Variants in PRR16 observed in about 807,000 individuals in gnomAD.
PRR16 encodes the protein proline rich 16, also known as protein Largen.
A neutral mutation model predicts 18.2 loss-of-function variants in PRR16; 6 were observed. The observed-to-expected ratio is 0.33, with a 90% CI of 0.18 to 0.65. PRR16 has a LOEUF of 0.65. PRR16 is among the 30% of genes least tolerant of loss of function. The pLI is 0.74. For synonymous variants in PRR16, 151 were observed against 147.8 expected (o/e 1.02, Z -0.16); for missense variants, 412 against 376.6 (o/e 1.09, Z -0.78).
chr5:120,555,098 C>T (rs1752367169), intron 1 of PRR16, among the ~76,000 whole-genome samples: 1 of 151,916 alleles, frequency 6.6e-6, no homozygotes, highest in South Asian at 2.1e-4. Flanking sequence ...TTTTAAATAT[C>T]TAGTGTTTAT....
intron 1 of PRR16, among the ~76,000 whole-genome samples, chr5:120,514,554 T>C (rs1194468198): frequency 6.6e-6 from 1 of 152,244 alleles, no homozygotes; most frequent in Admixed American, 6.5e-5. Flanking sequence ...TTGAATACTT[T>C]GCTGCTTAGA....
chr5:120,672,992 C>T (rs1324658218), intron 1 of PRR16, among the ~76,000 whole-genome samples: 1 of 152,092 alleles, frequency 6.6e-6, no homozygotes, highest in East Asian at 1.9e-4. Flanking sequence ...TTACAGGAAG[C>T]CTCAGTAGAG....
intron 1 of PRR16, among the ~76,000 whole-genome samples, chr5:120,567,686 TC>T (rs1372214993): frequency 6.6e-6 from 1 of 152,016 alleles, no homozygotes; most frequent in South Asian, 2.1e-4. Flanking sequence ...GTGTAGTACT[TC>T]CCCCTTCACT....
chr5:120,572,341 A>G (rs930457807), intron 1 of PRR16, among the ~76,000 whole-genome samples: 7 of 152,206 alleles, frequency 4.6e-5, no homozygotes, highest in Non-Finnish European at 7.3e-5. Flanking sequence ...TTAAGTGAAC[A>G]TCTTCTAAGT....
chr5:120,783,269 GT>G, the PRR16 span, among the ~76,000 whole-genome samples: 1 of 152,086 alleles, frequency 6.6e-6, no homozygotes, highest in Non-Finnish European at 1.5e-5. Context: ...GAAATGAAAC[GT>G]TTTTTCTAAA....
the PRR16 span, among the ~76,000 whole-genome samples, chr5:120,703,440 G>A: frequency 6.6e-6 from 1 of 152,292 alleles, no homozygotes; most frequent in African/African-American, 2.4e-5. Flanking sequence ...GAAGCCTAGT[G>A]AACTGAAGCC....
intron 1 of PRR16, among the ~76,000 whole-genome samples, chr5:120,665,170 CT>C (rs1036859172): frequency 7.8e-6 from 1 of 128,842 alleles, no homozygotes; most frequent in Non-Finnish European, 1.8e-5. Context: ...GAGATGGTAT[CT>C]CATTGTGGTT....
the PRR16 span, among the ~76,000 whole-genome samples, chr5:120,716,923 G>A: frequency 9.9e-5 from 15 of 152,204 alleles, no homozygotes; most frequent in South Asian, 3.1e-3. Flanking sequence ...TTGAATGAAT[G>A]AGTAGAATGC....
the PRR16 span, among the ~76,000 whole-genome samples, chr5:120,768,166 TC>T: frequency 2.6e-5 from 4 of 151,898 alleles, no homozygotes; most frequent in Non-Finnish European, 5.9e-5. Context: ...ATATGTAGTT[TC>T]CACTCAACCT....
chr5:120,741,725 C>T, the PRR16 span, among the ~76,000 whole-genome samples: 23 of 151,908 alleles, frequency 1.5e-4, no homozygotes, highest in African/African-American at 4.4e-4. Flanking sequence ...TCTCAGCCTC[C>T]GAGTAGCTGG....
At chr5:120,735,953 G>A in the PRR16 span, among the ~76,000 whole-genome samples, 1 of 152,064 alleles carries the variant, frequency 6.6e-6, no homozygotes, top group Non-Finnish European at 1.5e-5. Flanking sequence ...CCAGTTTTAG[G>A]CCTTATATAT....
chr5:120,661,429 A>C (rs1756169192), intron 1 of PRR16, among the ~76,000 whole-genome samples: 1 of 152,058 alleles, frequency 6.6e-6, no homozygotes, highest in African/African-American at 2.4e-5. Flanking sequence ...AACAGATTTT[A>C]TTGGAACACG....
At chr5:120,661,298 T>C (rs1312705769) in intron 1 of PRR16, among the ~76,000 whole-genome samples, 1 of 152,104 alleles carries the variant, frequency 6.6e-6, no homozygotes, top group Non-Finnish European at 1.5e-5. Flanking sequence ...CTCCTGTCTT[T>C]TGATGTTGCT....
At chr5:120,766,911 C>A in the PRR16 span, among the ~76,000 whole-genome samples, 2 of 151,816 alleles carry the variant, frequency 1.3e-5, no homozygotes, top group Non-Finnish European at 2.9e-5. Flanking sequence ...TTCAAAGTAC[C>A]TGTTTTATCT....
chr5:120,577,359 G>A (rs1179884259), intron 1 of PRR16, among the ~76,000 whole-genome samples: 3 of 151,896 alleles, frequency 2.0e-5, no homozygotes, highest in Non-Finnish European at 4.4e-5. Flanking sequence ...GAGAGAGACT[G>A]TTTTATTGAG....
chr5:120,619,952 G>C (rs569880553), intron 1 of PRR16, among the ~76,000 whole-genome samples: 45 of 152,202 alleles, frequency 3.0e-4, no homozygotes, highest in Middle Eastern at 3.4e-3. Flanking sequence ...GCCTGAGTTG[G>C]AGGTAGGTCA....
chr5:120,534,084 G>A (rs1751637979), intron 1 of PRR16, among the ~76,000 whole-genome samples: 1 of 152,086 alleles, frequency 6.6e-6, no homozygotes, highest in Non-Finnish European at 1.5e-5. Flanking sequence ...AGATTGAGTT[G>A]CTTATTAGAC....
intron 1 of PRR16, among the ~76,000 whole-genome samples, chr5:120,652,302 G>T (rs948305372): frequency 7.9e-5 from 12 of 152,014 alleles, no homozygotes; most frequent in Non-Finnish European, 1.2e-4. Context: ...TTTGTTTCCT[G>T]TAGGTTTCTG....
At chr5:120,592,963 C>T (rs919377342) in intron 1 of PRR16, among the ~76,000 whole-genome samples, 9 of 151,912 alleles carry the variant, frequency 5.9e-5, no homozygotes, top group Non-Finnish European at 1.0e-4. Flanking sequence ...TAATTACTAA[C>T]TTAAGAAATA....
Sources: gnomAD v4.1 joint callset for allele counts (sites outside exome capture counted in the v4.1 genomes callset) on GRCh38, gnomAD v4.1.1 for gene constraint, MANE v1.5 for transcripts, NCBI Gene and HGNC (gene_info 2026-07-23, HGNC 2026-07-21) for gene names.